The following ANAPC13 variants were observed in gnomAD, a reference collection of about 807,000 sequenced individuals.
The protein encoded by ANAPC13 is anaphase-promoting complex subunit 13.
ANAPC13 carries 9 observed loss-of-function variants against 9.6 expected under a neutral mutation model. That is an observed-to-expected ratio of 0.94 (90% CI 0.57 to 1.64). The LOEUF (loss-of-function observed/expected upper bound fraction) is 1.64. Ranked by LOEUF, ANAPC13 falls within the 40% of genes most tolerant of loss-of-function variation. The pLI is 0.00. For synonymous variants in ANAPC13, 30 were observed against 29.7 expected, an observed-to-expected ratio of 1.01 and a Z score of -0.03; for missense variants, 75 against 85.3, an observed-to-expected ratio of 0.88 and a Z score of 0.48.
intron 1 of ANAPC13, among the ~76,000 whole-genome samples, chr3:134,484,622 C>T (rs966147763): frequency 6.6e-6 from 1 of 152,200 alleles, no homozygotes; most frequent in Admixed American, 6.5e-5. Context: ...CCGAGTACTA[C>T]CCAGTGGATA....
At chr3:134,482,083 A>G (rs3856729) in intron 2 of ANAPC13, among the ~76,000 whole-genome samples, 101,603 of 152,164 alleles carry the variant, frequency 0.67, 34,300 homozygotes, top group East Asian at 0.82. Flanking sequence ...GCAAACAGCA[A>G]CAGCAGATAT....
intron 1 of ANAPC13, 165 bp from the exon 2 acceptor site, chr3:134,483,096 C>A (rs1387336419): frequency 1.7e-6 from 1 of 605,036 alleles, no homozygotes; most frequent in African/African-American, 1.9e-5. Flanking sequence ...CTCTCCAACC[C>A]CAACTGATAC....
In ANAPC13 at chr3:134,477,879, G is replaced by C. The variant is rs1934646534; in HGVS notation, c.*711C>G. 2 of 152,156 alleles carry C rather than the reference G, an allele frequency of 1.3e-5. No individual in the cohort carries two copies. 9.4% of individuals were successfully genotyped at this position (152,156 alleles called of 1,614,324 possible). A position where few individuals can be genotyped will look rare whatever the true frequency, so the allele number is the denominator to read the frequency against. ...ACATGAATGTGTTTTTCAAAATACA[G>C]GTTCTTATACAAATGTATAACTAAA... On this transcript the variant is annotated 3_prime_UTR_variant, in exon 3 of 3. Transcript: ENST00000354910.
intron 1 of ANAPC13, among the ~76,000 whole-genome samples, chr3:134,483,767 G>A (rs949041272): frequency 1.3e-5 from 2 of 152,156 alleles, no homozygotes; most frequent in East Asian, 1.9e-4. Context: ...CAAAAAGCCC[G>A]GAAGCCACTG....
At chr3:134,482,061 TTTTA>T (rs1352001398) in intron 2 of ANAPC13, among the ~76,000 whole-genome samples, 2 of 152,234 alleles carry the variant, frequency 1.3e-5, no homozygotes, top group Admixed American at 6.5e-5. Context: ...AGATGAACTA[TTTTA>T]TTTCTTTGCA....
intron 1 of ANAPC13, among the ~76,000 whole-genome samples, chr3:134,483,949 G>A (rs181025718): frequency 2.8e-4 from 43 of 152,312 alleles, no homozygotes; most frequent in Non-Finnish European, 5.6e-4. Flanking sequence ...TTCAGACATC[G>A]TCTTGCCTTG....
At position 134,477,901 on chromosome 3, in the gene ANAPC13, T is replaced by C. The variant is rs1934647107; in HGVS notation, c.*689A>G. 6.6e-6 allele frequency: 1 copy of C among 152,218 alleles called. No individual in the cohort carries two copies. The highest frequency in any genetic ancestry group is 6.5e-5 in the Admixed American group (1 of 15,286). The allele number at this position is 152,218 out of a possible 1,614,324, so 9.4% of individuals were successfully genotyped here. A position where few individuals can be genotyped will look rare whatever the true frequency, so the allele number is the denominator to read the frequency against. On this transcript the variant is annotated 3_prime_UTR_variant, in exon 3 of 3. Coordinates refer to ENST00000354910, the MANE Select transcript of ANAPC13 (RefSeq NM_015391.4). ...ACAGGTTCTTATACAAATGTATAACTAAATACTGATTCCATAGTGGGGTGG... is the reference window on the plus strand; with the variant it reads ...ACAGGTTCTTATACAAATGTATAACCAAATACTGATTCCATAGTGGGGTGG...
intron 1 of ANAPC13, 82 bp from the exon 2 acceptor site, chr3:134,483,013 A>G: frequency 1.1e-6 from 1 of 933,060 alleles, no homozygotes; most frequent in Non-Finnish European, 1.7e-6. Flanking sequence ...CAGGCTTTTT[A>G]GTCTGGGGCC....
intron 2 of ANAPC13, among the ~76,000 whole-genome samples, chr3:134,482,570 T>C (rs1277924479): frequency 2.0e-5 from 3 of 152,158 alleles, no homozygotes; most frequent in Non-Finnish European, 4.4e-5. Context: ...GCTCAGAAAA[T>C]CGGGGCTCTA....
chr3:134,480,127 T>C (rs1418124414), intron 2 of ANAPC13, among the ~76,000 whole-genome samples: 2 of 152,234 alleles, frequency 1.3e-5, no homozygotes, highest in African/African-American at 2.4e-5. Flanking sequence ...CTTGAACAGA[T>C]TGAGAAGAGC....
chr3:134,483,029 T>TTGGGA, intron 1 of ANAPC13, 98 bp from the exon 2 acceptor site: 1 of 812,610 alleles, frequency 1.2e-6, no homozygotes, highest in Non-Finnish European at 2.0e-6. Context: ...GGGCCACCTT[T>TTGGGA]TGGGAAAAGG....
At chr3:134,484,947 C>G (rs1350785199) in intron 1 of ANAPC13, among the ~76,000 whole-genome samples, 1 of 152,218 alleles carries the variant, frequency 6.6e-6, no homozygotes, top group Non-Finnish European at 1.5e-5. Context: ...CCAACTGTTA[C>G]GTGTACATTT....
chr3:134,479,081 G>A (rs1934676546), intron 2 of ANAPC13, among the ~76,000 whole-genome samples: 1 of 152,116 alleles, frequency 6.6e-6, no homozygotes, highest in African/African-American at 2.4e-5. Context: ...TTTCTTCCTT[G>A]GCAAATGGGA....
rs897007508 is a variant in ANAPC13 at position 134,482,969 on chromosome 3, T to C, written c.-27-38A>G. ...GAGGTTATTTCTTAAACACGAAGAC[T>C]GAAGAGATGGTATAATCCACTATTA... is the stretch of plus-strand genomic sequence containing the variant. On this transcript the variant is annotated intron_variant, in intron 1 of 2. Transcript: ENST00000354910. The C allele has an allele frequency of 6.1e-6, 8 of 1,318,728 alleles. No homozygotes were observed. The African/African-American group carries it at 1.2e-4, about 19-fold the overall frequency. 81.7% of individuals were successfully genotyped at this position (1,318,728 alleles called of 1,614,324 possible). A position where few individuals can be genotyped will look rare whatever the true frequency, so the allele number is the denominator to read the frequency against.
chr3:134,480,423 T>C (rs1025613671), intron 2 of ANAPC13, among the ~76,000 whole-genome samples: 10 of 152,244 alleles, frequency 6.6e-5, no homozygotes, highest in Admixed American at 2.6e-4. Flanking sequence ...CCACCCATTA[T>C]GGTGTACTGT....
intron 1 of ANAPC13, among the ~76,000 whole-genome samples, chr3:134,485,111 TAAA>T (rs774933610): frequency 1.3e-5 from 2 of 152,206 alleles, no homozygotes; most frequent in Non-Finnish European, 2.9e-5. Flanking sequence ...CCTTTCAAGA[TAAA>T]CGCAGGCGTC....
chr3:134,482,433 CT>C, intron 2 of ANAPC13, among the ~76,000 whole-genome samples: 1 of 152,348 alleles, frequency 6.6e-6, no homozygotes, highest in Admixed American at 6.5e-5. Flanking sequence ...TGCTGAAAGA[CT>C]GATGAGCCAC....
intron 2 of ANAPC13, 121 bp from the exon 3 acceptor site, chr3:134,478,836 T>G: frequency 8.7e-7 from 1 of 1,150,096 alleles, no homozygotes; most frequent in East Asian, 2.5e-5. Context: ...GATATGTGTA[T>G]TCTAAAAAAG....
At chr3:134,480,367 T>C (rs1934708848) in intron 2 of ANAPC13, among the ~76,000 whole-genome samples, 1 of 152,248 alleles carries the variant, frequency 6.6e-6, no homozygotes, top group Admixed American at 6.5e-5. Flanking sequence ...ACACATAAAA[T>C]GGCATATATG....
Sources: gnomAD v4.1 joint callset for allele counts (sites outside exome capture counted in the v4.1 genomes callset) on GRCh38, gnomAD v4.1.1 for gene constraint, MANE v1.5 for transcripts, NCBI Gene and HGNC (gene_info 2026-07-23, HGNC 2026-07-21) for gene names.